PDCD6IP: variants seen among roughly 807,000 people sequenced by gnomAD.
PDCD6IP encodes programmed cell death 6 interacting protein.
A neutral mutation model predicts 103.7 loss-of-function variants in PDCD6IP; 43 were observed. The observed-to-expected ratio is 0.41, with a 90% CI of 0.32 to 0.53. The LOEUF (loss-of-function observed/expected upper bound fraction) is 0.53. PDCD6IP is among the 20% of genes least tolerant of loss of function. The probability of loss-of-function intolerance (pLI) is 0.16; values close to 1 mark genes in which losing one functional copy is unlikely to be tolerated. For synonymous variants in PDCD6IP, 354 were observed against 378.7 expected, an observed-to-expected ratio of 0.93 and a Z score of 0.76; for missense variants, 871 against 1,036.7, an observed-to-expected ratio of 0.84 and a Z score of 2.20.
At chr3:33,830,324 A>G (rs369849511) in intron 7 of PDCD6IP, among the ~76,000 whole-genome samples, 3 of 152,282 alleles carry the variant, frequency 2.0e-5, no homozygotes, top group South Asian at 2.1e-4. Flanking sequence ...TTCTTTTTTT[A>G]AGGCTAGCAT....
At chr3:33,854,943 G>T in intron 14 of PDCD6IP, 1 of 277,852 alleles carries the variant, frequency 3.6e-6, no homozygotes, top group Non-Finnish European at 6.7e-6. Context: ...CATTTTTTAT[G>T]ATAATGTTCT....
chr3:33,815,633 G>A (rs1260554939), intron 3 of PDCD6IP, among the ~76,000 whole-genome samples: 1 of 152,196 alleles, frequency 6.6e-6, no homozygotes, highest in Non-Finnish European at 1.5e-5. Flanking sequence ...AGGGATTTCA[G>A]ACTTTTCAGA....
intron 3 of PDCD6IP, among the ~76,000 whole-genome samples, chr3:33,818,513 CTTTTTTTTTTTT>C (rs61405380): frequency 1.6e-4 from 14 of 89,264 alleles, no homozygotes; most frequent in South Asian, 4.0e-4. Flanking sequence ...TGATCCCTTG[CTTTTTTTTTTTT>C]TTTTTTTTTT....
rs1697536021 is a variant in PDCD6IP at position 33,844,092 on chromosome 3, C to A, written c.1360-20C>A. On this transcript the variant is annotated intron_variant, in intron 10 of 17. Coordinates refer to ENST00000307296, the MANE Select transcript of PDCD6IP (RefSeq NM_013374.6). The stretch of plus-strand genomic sequence containing the variant: ...ATACCAGAAATGACATTTCAGGGTT[C>A]TTTTTGCTTCCTTTTAAAGTCATTA... 6.9e-7 allele frequency: 1 copy of A among 1,458,638 alleles called. No homozygotes were observed. The allele number at this position is 1,458,638 out of a possible 1,614,324, so 90.4% of individuals were successfully genotyped here.
chr3:33,819,410 T>A lies in PDCD6IP; in HGVS notation c.335-2545T>A, dbSNP rs538327736. ...ATGACTGGAATTGTCTTTATTTATT[T>A]TGGGCTTAGTTTTTCAGTTCGCATT... On this transcript the variant is annotated intron_variant, in intron 3 of 17. Coordinates refer to ENST00000307296, the MANE Select transcript of PDCD6IP (RefSeq NM_013374.6). Among the ~76,000 whole-genome samples the A allele has an allele frequency of 6.6e-5, 10 of 152,340 alleles. No individual in the cohort carries two copies. The East Asian group carries it at 1.9e-3, about 29-fold the overall frequency.
At chr3:33,863,497 T>C (rs1697998086) in intron 15 of PDCD6IP, among the ~76,000 whole-genome samples, 1 of 152,230 alleles carries the variant, frequency 6.6e-6, no homozygotes, top group African/African-American at 2.4e-5. Context: ...CTCACACATA[T>C]GGAGGAGAAC....
In PDCD6IP at chr3:33,861,780, A is replaced by G. The variant is rs368235394; in HGVS notation, c.2121-2226A>G. On this transcript the variant is annotated intron_variant, in intron 15 of 17. Transcript: ENST00000307296. ...TAATTTTTCATTTTCCTGATGACTA[A>G]TATGTCCTTTTTATATACTTATTAG... 6.6e-5 allele frequency among the ~76,000 whole-genome samples: 10 copies of G among 152,284 alleles called. No homozygotes were observed. In the East Asian group the frequency reaches 1.3e-3, roughly 21 times the overall value.
intron 14 of PDCD6IP, 124 bp from the exon 15 acceptor site, chr3:33,855,042 G>T (rs1697796850): frequency 1.7e-6 from 1 of 577,700 alleles, no homozygotes; most frequent in Non-Finnish European, 3.2e-6. Context: ...TTGTATAAAT[G>T]TATCTCATGC....
chr3:33,847,977 CT>C (rs1252583069), intron 12 of PDCD6IP, among the ~76,000 whole-genome samples: 1 of 150,014 alleles, frequency 6.7e-6, no homozygotes, highest in African/African-American at 2.5e-5. Flanking sequence ...GAGGGGGTAC[CT>C]TTAAAAAAAA....
rs1698015034 is a variant in PDCD6IP, at chr3:33,864,109, C to T, written c.2224C>T (p.Pro742Ser). The T allele has an allele frequency of 1.9e-6, 3 of 1,605,288 alleles. No individual in the cohort carries two copies. The Admixed American group carries it at 5.0e-5, about 27-fold the overall frequency. Residue 742 changes from proline to serine, a missense_variant, in exon 16 of 18, where the codon CCA becomes TCA. Coordinates refer to ENST00000307296, the MANE Select transcript of PDCD6IP (RefSeq NM_013374.6). ...AGGACATGCACCAACTCCTCCAACT[C>T]CAGCGCCAAGAACCATGCCGGTTAG... ...AGGHAPTPPTPAPRTMPPTKP... is the reference protein window; with the variant it reads ...AGGHAPTPPTSAPRTMPPTKP...
intron 1 of PDCD6IP, among the ~76,000 whole-genome samples, chr3:33,808,632 G>A (rs1001264780): frequency 6.6e-6 from 1 of 152,172 alleles, no homozygotes; most frequent in Admixed American, 6.5e-5. Context: ...ATCCGTGCTA[G>A]CATCATCTCT....
intron 11 of PDCD6IP, 65 bp downstream of exon 11, chr3:33,844,288 G>A: frequency 1.2e-6 from 1 of 814,352 alleles, no homozygotes; most frequent in Non-Finnish European, 1.9e-6. Context: ...GTTTTTGCTT[G>A]ATTAAATTAG....
At chr3:33,801,984 A>G (rs992231364) in intron 1 of PDCD6IP, among the ~76,000 whole-genome samples, 3 of 152,188 alleles carry the variant, frequency 2.0e-5, no homozygotes, top group Admixed American at 6.5e-5. Flanking sequence ...TGACACCTGC[A>G]TTAGGGTTAG....
At chr3:33,814,800 T>TTGTACATA (rs1269152647) in intron 3 of PDCD6IP, among the ~76,000 whole-genome samples, 2 of 143,704 alleles carry the variant, frequency 1.4e-5, no homozygotes, top group East Asian at 4.1e-4. Flanking sequence ...ATATATACAT[T>TTGTACATA]TATGTGTATG....
At chr3:33,850,519 C>T (rs1697690945) in intron 12 of PDCD6IP, among the ~76,000 whole-genome samples, 1 of 151,998 alleles carries the variant, frequency 6.6e-6, no homozygotes, top group Admixed American at 6.6e-5. Context: ...GCAAGAACAA[C>T]AACAAACAAC....
chr3:33,813,308 T>G lies in PDCD6IP; in HGVS notation c.265-251T>G, dbSNP rs1165942309. ...TGTTCCGTTGAAGTCATTGTGTGTT[T>G]ATAAAGATGAATAAGATAGTGTTTA... On this transcript the variant is annotated intron_variant, in intron 2 of 17. Transcript: ENST00000307296. 1.9e-5 allele frequency: 6 copies of G among 317,070 alleles called. No homozygotes were observed. The Admixed American group carries it at 2.3e-4, about 12-fold the overall frequency. 19.6% of individuals were successfully genotyped at this position (317,070 alleles called of 1,614,324 possible).
chr3:33,825,529 G>A (rs1008201026), intron 5 of PDCD6IP, among the ~76,000 whole-genome samples, 189 bp downstream of exon 5: 18 of 152,312 alleles, frequency 1.2e-4, no homozygotes, highest in African/African-American at 4.1e-4. Flanking sequence ...AATGTAGGCT[G>A]TGTTTGAAGT....
intron 7 of PDCD6IP, among the ~76,000 whole-genome samples, chr3:33,832,389 G>A (rs1329908194): frequency 1.1e-4 from 16 of 152,084 alleles, no homozygotes; most frequent in Admixed American, 1.0e-3. Flanking sequence ...TACGAAATTT[G>A]GGGAGCACAG....
In PDCD6IP at chr3:33,841,066, C is replaced by T. The variant is rs1370216781; in HGVS notation, c.1182-831C>T. The stretch of plus-strand genomic sequence containing the variant: ...CCCCCGAGACGGAGTCTCACTCTGT[C>T]GCCCAGGCTGGAATGCAGTGGTGAG... On this transcript the variant is annotated intron_variant, in intron 9 of 17. Transcript: ENST00000307296. Among the ~76,000 whole-genome samples the T allele has an allele frequency of 3.4e-5, 5 of 147,020 alleles. No individual in the cohort carries two copies. In the South Asian group the frequency reaches 6.3e-4, roughly 19 times the overall value.
Sources: gnomAD v4.1 joint callset for allele counts (sites outside exome capture counted in the v4.1 genomes callset) on GRCh38, gnomAD v4.1.1 for gene constraint, MANE v1.5 for transcripts, NCBI Gene and HGNC (gene_info 2026-07-23, HGNC 2026-07-21) for gene names.